MYLK: variants seen among roughly 807,000 people sequenced by gnomAD.
MYLK encodes myosin light chain kinase, smooth muscle.
MYLK carries 106 observed loss-of-function variants against 203.4 expected under a neutral mutation model. The observed-to-expected ratio is 0.52, with a 90% CI of 0.45 to 0.61. MYLK has a LOEUF of 0.61. Ranked by LOEUF, MYLK falls within the 20% of genes least tolerant of loss-of-function variation. The pLI is 0.00. For missense variants in MYLK, 2,072 were observed against 2,442.3 expected (o/e 0.85, Z 3.20); for synonymous variants, 867 against 959.5 (o/e 0.90, Z 1.78).
intron 2 of MYLK, among the ~76,000 whole-genome samples, chr3:123,851,098 G>T (rs573742952): frequency 2.0e-5 from 3 of 152,264 alleles, no homozygotes; most frequent in Admixed American, 6.5e-5. Flanking sequence ...TGTTCCATTG[G>T]TCTATATCTC....
chr3:123,714,733 AGGAT>A (rs886794581), intron 13 of MYLK, among the ~76,000 whole-genome samples: 1 of 152,210 alleles, frequency 6.6e-6, no homozygotes, highest in African/African-American at 2.4e-5. Flanking sequence ...CCTAGGATTA[AGGAT>A]CTAAAGTGCA....
At position 123,722,237 on chromosome 3, in the gene MYLK, C is replaced by T. The variant is rs767506854; in HGVS notation, c.1695G>A (p.Val565=). Residue 565 remains valine (V), a synonymous_variant, in exon 13 of 34, where the codon GTG becomes GTA. Transcript: ENST00000360304. ...GGGCATCCTGGATGTGGAGCTCAGCCACGCCGGCCTCGCAGGTGGAGCGAG... is the reference window on the plus strand; with the variant it reads ...GGGCATCCTGGATGTGGAGCTCAGCTACGCCGGCCTCGCAGGTGGAGCGAG... The part of the protein sequence containing the change: ...QYARSTCEAG[V]AELHIQDALP... 3 of 1,565,536 alleles carry T rather than the reference C, an allele frequency of 1.9e-6. No individual in the cohort carries two copies. Among genetic ancestry groups the T allele is most frequent in the East Asian group, 4.8e-5 (2 of 42,088 alleles).
At chr3:123,770,166 A>G (rs1389646872) in intron 4 of MYLK, among the ~76,000 whole-genome samples, 1 of 151,754 alleles carries the variant, frequency 6.6e-6, no homozygotes, top group Non-Finnish European at 1.5e-5. Flanking sequence ...CAAAAAAAAA[A>G]AAAAAAAATT....
At chr3:123,755,385 C>T (rs959214460) in intron 4 of MYLK, among the ~76,000 whole-genome samples, 1 of 152,196 alleles carries the variant, frequency 6.6e-6, no homozygotes, top group Non-Finnish European at 1.5e-5. Flanking sequence ...TCACTTTCTA[C>T]ACATACCCCA....
chr3:123,869,513 C>CTTGG (rs1202815135), intron 2 of MYLK, among the ~76,000 whole-genome samples: 1 of 152,156 alleles, frequency 6.6e-6, no homozygotes, highest in African/African-American at 2.4e-5. Flanking sequence ...GAATCAGAGG[C>CTTGG]TTGGCCCTTG....
intron 1 of MYLK, among the ~76,000 whole-genome samples, chr3:123,881,894 C>T (rs1284260567): frequency 6.6e-6 from 1 of 152,180 alleles, no homozygotes; most frequent in African/African-American, 2.4e-5. Context: ...GGGTCACCTC[C>T]TTCTCTGACA....
intron 28 of MYLK, among the ~76,000 whole-genome samples, chr3:123,639,899 T>A (rs2058772067): frequency 6.6e-6 from 1 of 152,186 alleles, no homozygotes; most frequent in Non-Finnish European, 1.5e-5. Flanking sequence ...GATGCAGATG[T>A]GCAGAGCCAC....
chr3:123,814,222 CA>C (rs1242943332), intron 3 of MYLK: 1 of 239,214 alleles, frequency 4.2e-6, no homozygotes, highest in Non-Finnish European at 8.5e-6. Flanking sequence ...TCTAGAAAAA[CA>C]AAAGACAAAG....
At position 123,701,433 on chromosome 3, in the gene MYLK, C is replaced by T. The variant is rs374003770; in HGVS notation, c.2462+5G>A. 2.9e-4 allele frequency: 467 copies of T among 1,613,866 alleles called. No homozygotes were observed. Among genetic ancestry groups the T allele is most frequent in the Non-Finnish European group, 3.8e-4 (453 of 1,179,986 alleles). ...CCTGGAGGGGCAGCTCCTGGGGGCA[C>T]TCACCGTGGAAGGGCTCTGGCAGAG... On this transcript the variant is annotated splice_donor_5th_base_variant and intron_variant, in intron 17 of 33. Coordinates refer to ENST00000360304, the MANE Select transcript of MYLK (RefSeq NM_053025.4).
intron 2 of MYLK, among the ~76,000 whole-genome samples, chr3:123,846,127 C>T (rs1394673366): frequency 3.3e-5 from 5 of 152,124 alleles, no homozygotes; most frequent in Non-Finnish European, 5.9e-5. Context: ...TCTATCATAG[C>T]GACAAAACGG....
chr3:123,747,187 G>C (rs1235213174), intron 5 of MYLK, among the ~76,000 whole-genome samples: 4 of 152,186 alleles, frequency 2.6e-5, no homozygotes, highest in Non-Finnish European at 5.9e-5. Context: ...CGAGAATCCT[G>C]GTGTCAGTGG....
chr3:123,698,515 G>A (rs1365976460), intron 18 of MYLK, among the ~76,000 whole-genome samples: 1 of 152,130 alleles, frequency 6.6e-6, no homozygotes, highest in Non-Finnish European at 1.5e-5. Context: ...AGGGGCGGCA[G>A]GACAGGTTGT....
chr3:123,776,654 T>C (rs1240209878), intron 4 of MYLK, among the ~76,000 whole-genome samples: 3 of 152,230 alleles, frequency 2.0e-5, no homozygotes, highest in Non-Finnish European at 4.4e-5. Context: ...AAAAGCAGGA[T>C]ACAAAACACT....
rs878867374 is a variant in MYLK at position 123,806,590 on chromosome 3, T to C, written c.-3-12746A>G. ...CTTAAAATGAACATTTAGCTACTTA[T>C]TTAACAACTGATGAAATACTTTCCT... is the stretch of plus-strand genomic sequence containing the variant. On this transcript the variant is annotated intron_variant, in intron 3 of 33. Coordinates refer to ENST00000360304, the MANE Select transcript of MYLK (RefSeq NM_053025.4). Among the ~76,000 whole-genome samples the C allele has an allele frequency of 5.3e-5, 8 of 152,206 alleles. No individual in the cohort carries two copies. In the South Asian group the frequency reaches 8.3e-4, roughly 16 times the overall value.
At position 123,700,494 on chromosome 3, in the gene MYLK, G is replaced by A. The variant is rs1391074220; in HGVS notation, c.2974C>T (p.Pro992Ser). The A allele has an allele frequency of 1.2e-6, 2 of 1,608,126 alleles. No individual in the cohort carries two copies. Among genetic ancestry groups the A allele is most frequent in the South Asian group, 1.1e-5 (1 of 90,660 alleles). The change falls in exon 18 of 34, where the codon CCA becomes TCA. Residue 992 changes from proline (P) to serine (S), a missense_variant. Around this residue, in one of 3 missense-constraint regions of MYLK, gnomAD observed 865 missense variants for 1,016.0 expected, o/e 0.85. Transcript: ENST00000360304. Reference protein sequence around the residue: ...RSVLGGKKKLPAENGSSSAET... With the variant: ...RSVLGGKKKLSAENGSSSAET... Reference sequence around the variant, plus strand: ...GCACTGCTGCTGCCATTCTCTGCTGGTAATTTCTTCTTGCCACCCAGCACT... The same window carrying A: ...GCACTGCTGCTGCCATTCTCTGCTGATAATTTCTTCTTGCCACCCAGCACT...
At chr3:123,664,802 G>T (rs2059683207) in intron 22 of MYLK, among the ~76,000 whole-genome samples, 1 of 152,168 alleles carries the variant, frequency 6.6e-6, no homozygotes, top group African/African-American at 2.4e-5. Flanking sequence ...ATGAAGTACT[G>T]ATTCATGTTA....
At chr3:123,633,932 C>A (rs987651169) in intron 29 of MYLK, among the ~76,000 whole-genome samples, 2 of 152,182 alleles carry the variant, frequency 1.3e-5, no homozygotes, top group Non-Finnish European at 2.9e-5. Context: ...ATCCTCCCAT[C>A]ATAGCCTCCT....
intron 4 of MYLK, among the ~76,000 whole-genome samples, chr3:123,777,436 C>T (rs1576937638): frequency 6.6e-6 from 1 of 152,188 alleles, no homozygotes; most frequent in Non-Finnish European, 1.5e-5. Context: ...TTTATAAGCA[C>T]GGGGCTGGCC....
intron 4 of MYLK, among the ~76,000 whole-genome samples, chr3:123,793,030 T>C (rs1382800058): frequency 6.6e-6 from 1 of 152,196 alleles, no homozygotes; most frequent in African/African-American, 2.4e-5. Context: ...GACCCCCTCC[T>C]ACAAGCTTTC....
Sources: allele counts gnomAD v4.1 joint callset (sites outside exome capture counted in the v4.1 genomes callset), GRCh38; gene constraint gnomAD v4.1.1; regional missense constraint gnomAD v4.1.1; transcripts MANE v1.5; gene names NCBI Gene and HGNC (gene_info 2026-07-23, HGNC 2026-07-21).